Variants in RBFOX1 observed in about 807,000 individuals in gnomAD.
RBFOX1 encodes RNA binding protein fox-1 homolog 1.
In RBFOX1, 8 loss-of-function variants were observed where a neutral mutation model predicts 57.7. The ratio of observed to expected loss-of-function variants is 0.14; its 90% CI spans 0.08 to 0.25. RBFOX1 has a LOEUF of 0.25. Ranked by LOEUF, RBFOX1 falls within the 10% of genes least tolerant of loss-of-function variation. The probability of loss-of-function intolerance (pLI) is 1.00; values close to 1 mark genes in which losing one functional copy is unlikely to be tolerated. For synonymous variants in RBFOX1, 326 were observed against 222.4 expected, an observed-to-expected ratio of 1.47 and a Z score of -4.15; for missense variants, 611 against 548.5, an observed-to-expected ratio of 1.11 and a Z score of -1.14.
rs71145238 is a variant in RBFOX1 at position 6,506,624 on chromosome 16, ATTTT to A, written c.-63-147941_-63-147938del. On this transcript the variant is annotated intron_variant, in intron 2 of 15. Coordinates refer to ENST00000550418, the MANE Select transcript of RBFOX1 (RefSeq NM_018723.4). ...ACGGTAATAACAATCACAGTAGCTA[ATTTT>A]TTTTTTTTTTTTTTTTTTTTTTTTT... is the stretch of plus-strand genomic sequence containing the variant. Among the ~76,000 whole-genome samples the A allele has an allele frequency of 8.0e-3, 783 of 98,150 alleles. 74 individuals carry two copies. The highest frequency in any genetic ancestry group is 0.011 in the African/African-American group (242 of 22,872). 64.4% of individuals were successfully genotyped at this position (98,150 alleles called of 152,430 possible).
chr16:6,889,127 C>A (rs1317827732), intron 3 of RBFOX1, among the ~76,000 whole-genome samples: 1 of 152,168 alleles, frequency 6.6e-6, no homozygotes, highest in Non-Finnish European at 1.5e-5. Flanking sequence ...AACCTGGCTT[C>A]AAATCTCCAA....
At chr16:5,630,168 G>A (rs566367104) in intron 3 of RBFOX1, among the ~76,000 whole-genome samples, 1 of 152,144 alleles carries the variant, frequency 6.6e-6, no homozygotes, top group Non-Finnish European at 1.5e-5. Context: ...GGAAGCATAG[G>A]CACTTTAGCT....
intron 2 of RBFOX1, among the ~76,000 whole-genome samples, chr16:6,501,988 C>A (rs1007748078): frequency 6.6e-6 from 1 of 152,256 alleles, no homozygotes; most frequent in East Asian, 1.9e-4. Context: ...TTACATTCTT[C>A]TAGGGATCGT....
chr16:7,290,557 A>C (rs184157260), intron 4 of RBFOX1, among the ~76,000 whole-genome samples: 2 of 152,358 alleles, frequency 1.3e-5, no homozygotes, highest in Non-Finnish European at 2.9e-5. Flanking sequence ...AGTAAATTAA[A>C]TGAATCTCAG....
chr16:5,802,930 G>C (rs568256053), intron 3 of RBFOX1, among the ~76,000 whole-genome samples: 8 of 152,244 alleles, frequency 5.3e-5, no homozygotes, highest in African/African-American at 1.9e-4. Flanking sequence ...CTCCATTTCA[G>C]GCAATATGCT....
chr16:6,591,758 T>C (rs1031319337), intron 2 of RBFOX1, among the ~76,000 whole-genome samples: 1 of 152,194 alleles, frequency 6.6e-6, no homozygotes, highest in African/African-American at 2.4e-5. Flanking sequence ...GAAAGCAGAG[T>C]CTGCATTTGT....
intron 3 of RBFOX1, among the ~76,000 whole-genome samples, chr16:5,671,018 G>A (rs1311649772): frequency 3.3e-5 from 5 of 152,228 alleles, no homozygotes; most frequent in Non-Finnish European, 7.3e-5. Flanking sequence ...GAAATCCCTG[G>A]TGAAGCCATC....
intron 1 of RBFOX1, among the ~76,000 whole-genome samples, chr16:6,081,652 G>C (rs776152068): frequency 6.6e-6 from 1 of 152,148 alleles, no homozygotes; most frequent in Non-Finnish European, 1.5e-5. Flanking sequence ...TGTGAGGTTG[G>C]CTGATTTTAT....
At chr16:6,415,768 C>T (rs1222848925) in intron 2 of RBFOX1, among the ~76,000 whole-genome samples, 2 of 152,276 alleles carry the variant, frequency 1.3e-5, no homozygotes, top group East Asian at 3.9e-4. Flanking sequence ...ATGTAACCCC[C>T]ACAACCTCAG....
Position 5,736,576 on chromosome 16 carries a change from C to G in RBFOX1, c.319-130727C>G, listed in dbSNP as rs76665554. Among the ~76,000 whole-genome samples, 870 of 152,160 alleles carry G rather than the reference C, an allele frequency of 5.7e-3. 14 individuals are homozygous for G. The highest frequency in any genetic ancestry group is 0.02 in the African/African-American group (842 of 41,520). ...GGCCCGGATCGGGGTCATTTGAAAG[C>G]CCTGTGAAGAGTTGAACATGAAGTG... On this transcript the variant is annotated intron_variant, in intron 3 of 19. Transcript: ENST00000641259.
chr16:6,108,480 T>G (rs548494155), intron 1 of RBFOX1, among the ~76,000 whole-genome samples: 97 of 152,334 alleles, frequency 6.4e-4, no homozygotes, highest in African/African-American at 2.3e-3. Flanking sequence ...TAGGTGGTGC[T>G]GTGCTATTAT....
At chr16:7,625,866 C>T (rs1039750065) in intron 10 of RBFOX1, among the ~76,000 whole-genome samples, 1 of 152,206 alleles carries the variant, frequency 6.6e-6, no homozygotes, top group Non-Finnish European at 1.5e-5. Context: ...ATTCTCACTT[C>T]ATTTGCTCCC....
chr16:7,542,086 C>G (rs531105490), intron 5 of RBFOX1, among the ~76,000 whole-genome samples: 11 of 152,142 alleles, frequency 7.2e-5, no homozygotes, highest in Non-Finnish European at 1.2e-4. Context: ...AATAGAGCAG[C>G]AGTTCCCTGT....
At position 5,566,436 on chromosome 16, in the gene RBFOX1, G is replaced by A. The variant is rs975434757; in HGVS notation, c.259-32466G>A. ...CCGTAGATGGATGGTTGGAAAAAGA[G>A]ACTTTGGAAGTGGAGTTTAATGTGT... On this transcript the variant is annotated intron_variant, in intron 2 of 2. Coordinates refer to the RBFOX1 transcript ENST00000585867. 3.3e-5 allele frequency among the ~76,000 whole-genome samples: 5 copies of A among 152,278 alleles called. No individual in the cohort carries two copies. In the South Asian group the frequency reaches 6.2e-4, roughly 19 times the overall value.
rs149362264 is a variant in RBFOX1, at chr16:7,234,167, C to T, written c.27+182069C>T. Reference sequence around the variant, plus strand: ...AGACGCTTTTGTCAGATATGTGGCTCACGGCAGGCAATCAAGCTGTGGCAT... The same window carrying T: ...AGACGCTTTTGTCAGATATGTGGCTTACGGCAGGCAATCAAGCTGTGGCAT... On this transcript the variant is annotated intron_variant, in intron 4 of 15. Transcript: ENST00000550418. 3.0e-4 allele frequency among the ~76,000 whole-genome samples: 45 copies of T among 152,186 alleles called. No homozygotes were observed. The East Asian group carries it at 8.5e-3, about 29-fold the overall frequency.
chr16:5,581,683 G>A (rs567537523), intron 2 of RBFOX1, among the ~76,000 whole-genome samples: 39 of 152,276 alleles, frequency 2.6e-4, no homozygotes, highest in African/African-American at 8.7e-4. Flanking sequence ...TGGGAACAGG[G>A]AACTCTCCAA....
intron 4 of RBFOX1, among the ~76,000 whole-genome samples, chr16:7,242,611 T>C (rs755886504): frequency 6.6e-6 from 1 of 152,178 alleles, no homozygotes; most frequent in Admixed American, 6.5e-5. Context: ...GAACAAACTT[T>C]CCATGGTGAC....
intron 3 of RBFOX1, among the ~76,000 whole-genome samples, chr16:5,716,712 G>A (rs1255336713): frequency 2.6e-5 from 4 of 152,218 alleles, no homozygotes; most frequent in East Asian, 3.8e-4. Flanking sequence ...GCTGCAGTGA[G>A]CATAGGTGTC....
At chr16:6,618,304 A>T (rs1211412239) in intron 2 of RBFOX1, among the ~76,000 whole-genome samples, 2 of 152,174 alleles carry the variant, frequency 1.3e-5, no homozygotes, top group East Asian at 3.9e-4. Flanking sequence ...AATAGATGAC[A>T]TTGACTGAAC....
Sources: allele counts gnomAD v4.1 joint callset (sites outside exome capture counted in the v4.1 genomes callset), GRCh38; gene constraint gnomAD v4.1.1; transcripts MANE v1.5; gene names NCBI Gene and HGNC (gene_info 2026-07-23, HGNC 2026-07-21).